Variants in HELZ observed in about 807,000 individuals in gnomAD.
The protein encoded by HELZ is helicase with zinc finger, also known as ATP-dependent RNA helicase with zinc finger domain.
Under a neutral mutation model 218.2 loss-of-function variants are expected in HELZ, and 23 were observed. The observed-to-expected ratio is 0.11, with a 90% CI of 0.08 to 0.15. The LOEUF is 0.15. Ranked by LOEUF, HELZ falls within the 10% of genes least tolerant of loss-of-function variation. The probability of loss-of-function intolerance (pLI) is 1.00; values close to 1 mark genes in which losing one functional copy is unlikely to be tolerated. For missense variants in HELZ, 1,813 were observed against 2,353.7 expected (o/e 0.77, Z 4.75); for synonymous variants, 814 against 829.4 (o/e 0.98, Z 0.32).
At chr17:67,150,130 CTTTTTTTTTTTTT>C in intron 18 of HELZ, 145 bp from the exon 19 acceptor site, 1 of 178,762 alleles carries the variant, frequency 5.6e-6, no homozygotes, top group Non-Finnish European at 9.2e-6. Flanking sequence ...TATTTTCTTT[CTTTTTTTTTTTTT>C]TTTTTTTTTT....
In HELZ at chr17:67,239,503, A is replaced by G. The variant is rs528820619; in HGVS notation, c.-75-14T>C. On this transcript the variant is annotated splice_polypyrimidine_tract_variant and intron_variant, in intron 2 of 32. Transcript: ENST00000358691. ...TCTTTATAATTTCTGAAAGACAAAG[A>G]AGAAAGTTTTTTTAATACATAGTAG... The G allele has an allele frequency of 2.8e-4, 42 of 152,364 alleles. No individual in the cohort carries two copies. Among genetic ancestry groups the G allele is most frequent in the African/African-American group, 9.9e-4 (41 of 41,582 alleles). 9.4% of individuals were successfully genotyped at this position (152,364 alleles called of 1,614,324 possible). A position where few individuals can be genotyped will look rare whatever the true frequency, so the allele number is the denominator to read the frequency against.
At chr17:67,081,400 G>A (rs1257968737) in intron 32 of HELZ, among the ~76,000 whole-genome samples, 1 of 152,134 alleles carries the variant, frequency 6.6e-6, no homozygotes, top group Admixed American at 6.5e-5. Flanking sequence ...CACGGTAAAA[G>A]GTTAATATTA....
chr17:67,073,758 A>T lies in HELZ; in HGVS notation c.*4494T>A, dbSNP rs2035949648. 6.6e-6 allele frequency: 1 copy of T among 152,216 alleles called. No individual in the cohort carries two copies. Among genetic ancestry groups the T allele is most frequent in the Non-Finnish European group, 1.5e-5 (1 of 68,034 alleles). 9.4% of individuals were successfully genotyped at this position (152,216 alleles called of 1,614,324 possible). ...GAATCTCATATTCTAGTTTAAAGTA[A>T]TAACAGGATGTGTTTAGTAAGATTC... On this transcript the variant is annotated 3_prime_UTR_variant, in exon 33 of 33. Coordinates refer to ENST00000358691, the MANE Select transcript of HELZ (RefSeq NM_014877.4).
chr17:67,220,462 T>C (rs2040714723), intron 3 of HELZ, among the ~76,000 whole-genome samples: 1 of 152,176 alleles, frequency 6.6e-6, no homozygotes, highest in South Asian at 2.1e-4. Flanking sequence ...ATTCCCTACT[T>C]TTCTCAGTTT....
At chr17:67,093,602 T>C (rs1445695093) in intron 31 of HELZ, among the ~76,000 whole-genome samples, 3 of 152,202 alleles carry the variant, frequency 2.0e-5, no homozygotes, top group African/African-American at 7.2e-5. Flanking sequence ...TCAGTCAAAA[T>C]GAGCCTACTA....
chr17:67,217,927 G>GT (rs1048504297), intron 4 of HELZ, among the ~76,000 whole-genome samples: 1 of 140,464 alleles, frequency 7.1e-6, no homozygotes, highest in African/African-American at 2.8e-5. Context: ...TTTGTTTTTT[G>GT]TTGTTTTTTT....
intron 32 of HELZ, among the ~76,000 whole-genome samples, chr17:67,084,931 C>T (rs868475016): frequency 5.9e-5 from 9 of 152,210 alleles, no homozygotes; most frequent in Middle Eastern, 3.4e-3. Flanking sequence ...CACGATGTAG[C>T]CCCGCCTCTA....
intron 4 of HELZ, among the ~76,000 whole-genome samples, chr17:67,216,463 TAC>T (rs1219258848): frequency 3.3e-5 from 5 of 152,194 alleles, no homozygotes; most frequent in African/African-American, 7.2e-5. Flanking sequence ...TATACAGAAA[TAC>T]AGTTATTTCT....
chr17:67,162,039 GA>G (rs936207814), intron 15 of HELZ, among the ~76,000 whole-genome samples: 1 of 152,170 alleles, frequency 6.6e-6, no homozygotes, highest in Non-Finnish European at 1.5e-5. Flanking sequence ...GTTTAGACAG[GA>G]AAATTCTCTC....
At chr17:67,173,656 G>A (rs1342446327) in intron 13 of HELZ, among the ~76,000 whole-genome samples, 3 of 152,168 alleles carry the variant, frequency 2.0e-5, no homozygotes, top group Non-Finnish European at 4.4e-5. Context: ...TACTAAAGCA[G>A]AGCGACAGAA....
rs1310314450 is a variant in HELZ, at chr17:67,074,632, T to C, written c.*3620A>G. 6.6e-6 allele frequency: 1 copy of C among 152,116 alleles called. No homozygotes were observed. The highest frequency in any genetic ancestry group is 1.5e-5 in the Non-Finnish European group (1 of 67,990). 9.4% of individuals were successfully genotyped at this position (152,116 alleles called of 1,614,324 possible). On this transcript the variant is annotated 3_prime_UTR_variant, in exon 33 of 33. Coordinates refer to ENST00000358691, the MANE Select transcript of HELZ (RefSeq NM_014877.4). Reference sequence around the variant, plus strand: ...TACACTAGAGCAACACAATACTATATATTAATTATCCCAAAGTTGGGAAAT... The same window carrying C: ...TACACTAGAGCAACACAATACTATACATTAATTATCCCAAAGTTGGGAAAT...
intron 23 of HELZ, among the ~76,000 whole-genome samples, chr17:67,132,879 T>C (rs2038030508): frequency 6.6e-6 from 1 of 152,220 alleles, no homozygotes; most frequent in African/African-American, 2.4e-5. Context: ...TTAGTTTTTT[T>C]GAAAATATTA....
In HELZ at chr17:67,076,777, T is replaced by C. The variant is rs559998443; in HGVS notation, c.*1475A>G. On this transcript the variant is annotated 3_prime_UTR_variant, in exon 33 of 33. Transcript: ENST00000358691. ...TGATTATAGGATTGCCTATCGAAAG[T>C]GGTCTTCCAAAAACCTGTTTTTGAA... The C allele has an allele frequency of 1.3e-5, 2 of 152,330 alleles. No individual in the cohort carries two copies. The highest frequency in any genetic ancestry group is 4.8e-5 in the African/African-American group (2 of 41,590). The allele number at this position is 152,330 out of a possible 1,614,324, so 9.4% of individuals were successfully genotyped here. A position where few individuals can be genotyped will look rare whatever the true frequency, so the allele number is the denominator to read the frequency against.
chr17:67,233,067 G>A (rs2143446779), intron 3 of HELZ, among the ~76,000 whole-genome samples: 1 of 152,376 alleles, frequency 6.6e-6, no homozygotes, highest in Admixed American at 6.5e-5. Flanking sequence ...CTGGGAGGCA[G>A]AGGTTGCAGT....
At chr17:67,128,946 C>T (rs1598283993) in intron 23 of HELZ, 91 bp from the exon 24 acceptor site, 1 of 968,110 alleles carries the variant, frequency 1.0e-6, no homozygotes, top group Non-Finnish European at 1.6e-6. Context: ...TCAAATTCCA[C>T]CCCCAACCTC....
chr17:67,243,437 C>T (rs2041381281), intron 2 of HELZ, among the ~76,000 whole-genome samples: 1 of 152,056 alleles, frequency 6.6e-6, no homozygotes, highest in African/African-American at 2.4e-5. Flanking sequence ...TGATAGACAC[C>T]AAAACACAAA....
At position 67,174,701 on chromosome 17, in the gene HELZ, G is replaced by A. The variant is rs371501921; in HGVS notation, c.1430+3958C>T. Among the ~76,000 whole-genome samples, 6 of 152,286 alleles carry A rather than the reference G, an allele frequency of 3.9e-5. No homozygotes were observed. The East Asian group carries it at 9.6e-4, about 24-fold the overall frequency. ...TAATCCCAGCTACTCAGAAGGCTGA[G>A]GCAGGAGAATCGCTTGAACCCAGGA... On this transcript the variant is annotated intron_variant, in intron 13 of 32. Coordinates refer to ENST00000358691, the MANE Select transcript of HELZ (RefSeq NM_014877.4).
At chr17:67,212,308 C>A (rs1003661215) in intron 5 of HELZ, among the ~76,000 whole-genome samples, 1 of 4,940 alleles carries the variant, frequency 2.0e-4, no homozygotes, top group Admixed American at 3.8e-3. Context: ...GGGAGAGACA[C>A]CATCTCAAAA....
intron 31 of HELZ, among the ~76,000 whole-genome samples, chr17:67,092,335 T>C (rs1341810242): frequency 6.6e-6 from 1 of 152,108 alleles, no homozygotes; most frequent in Non-Finnish European, 1.5e-5. Context: ...AAATTATAGC[T>C]ACCCCCCAAG....
Sources: gnomAD v4.1 joint callset for allele counts (sites outside exome capture counted in the v4.1 genomes callset) on GRCh38, gnomAD v4.1.1 for gene constraint, MANE v1.5 for transcripts, NCBI Gene and HGNC (gene_info 2026-07-23, HGNC 2026-07-21) for gene names.